VSNL1: variants seen among roughly 807,000 people sequenced by gnomAD.
The protein encoded by VSNL1 is visinin-like protein 1.
Under a neutral mutation model 20.4 loss-of-function variants are expected in VSNL1, and 6 were observed. That is an observed-to-expected ratio of 0.29 (90% CI 0.16 to 0.58). VSNL1 has a LOEUF of 0.58. Ranked by LOEUF, VSNL1 falls within the 20% of genes least tolerant of loss-of-function variation. VSNL1 has a pLI of 0.90. For missense variants in VSNL1, 100 were observed against 234.5 expected, an observed-to-expected ratio of 0.43 and a Z score of 3.75; for synonymous variants, 93 against 86.4, an observed-to-expected ratio of 1.08 and a Z score of -0.42.
At chr2:17,558,655 C>T (rs1487560436) in intron 1 of VSNL1, among the ~76,000 whole-genome samples, 1 of 152,198 alleles carries the variant, frequency 6.6e-6, no homozygotes, top group Non-Finnish European at 1.5e-5. Flanking sequence ...CTGCTCTCCA[C>T]TGTCTCCCTG....
chr2:17,564,858 A>G (rs1663900747), intron 1 of VSNL1, among the ~76,000 whole-genome samples: 1 of 152,224 alleles, frequency 6.6e-6, no homozygotes, highest in Admixed American at 6.5e-5. Context: ...CAATTGTAGT[A>G]TCAACAAAGT....
chr2:17,598,832 CTTCT>C (rs1664767182), intron 2 of VSNL1, among the ~76,000 whole-genome samples: 1 of 152,184 alleles, frequency 6.6e-6, no homozygotes, highest in Non-Finnish European at 1.5e-5. Flanking sequence ...GCAAAATCCC[CTTCT>C]AAGTTATACT....
chr2:17,601,522 A>C (rs980511124), intron 2 of VSNL1, among the ~76,000 whole-genome samples: 3 of 151,818 alleles, frequency 2.0e-5, no homozygotes, highest in East Asian at 1.9e-4. Context: ...TGTAATCCCA[A>C]CTACTGGGGA....
chr2:17,597,058 G>C (rs1271723135), intron 2 of VSNL1, among the ~76,000 whole-genome samples: 2 of 152,222 alleles, frequency 1.3e-5, no homozygotes, highest in African/African-American at 4.8e-5. Flanking sequence ...GAGGGTGAGA[G>C]ACTCTATGAA....
intron 1 of VSNL1, among the ~76,000 whole-genome samples, chr2:17,544,920 C>G (rs1663373324): frequency 6.6e-6 from 1 of 152,038 alleles, no homozygotes; most frequent in African/African-American, 2.4e-5. Flanking sequence ...ATTCATATGA[C>G]TAATAGAACA....
At chr2:17,602,987 A>G (rs543511263) in intron 2 of VSNL1, among the ~76,000 whole-genome samples, 1 of 152,130 alleles carries the variant, frequency 6.6e-6, no homozygotes, top group Admixed American at 6.5e-5. Context: ...AATCTGTGTA[A>G]ATAGCTAGAA....
At chr2:17,612,919 T>A (rs1248142341) in intron 2 of VSNL1, among the ~76,000 whole-genome samples, 3 of 152,154 alleles carry the variant, frequency 2.0e-5, no homozygotes, top group Non-Finnish European at 4.4e-5. Flanking sequence ...CAGAGATGAA[T>A]AAGATACCCA....
chr2:17,614,643 T>C (rs1665173689), intron 2 of VSNL1, among the ~76,000 whole-genome samples: 1 of 152,184 alleles, frequency 6.6e-6, no homozygotes. Flanking sequence ...CATTTTGTCT[T>C]CTTAGCAGGG....
At chr2:17,609,874 C>T (rs1665043091) in intron 2 of VSNL1, among the ~76,000 whole-genome samples, 1 of 152,174 alleles carries the variant, frequency 6.6e-6, no homozygotes, top group Non-Finnish European at 1.5e-5. Context: ...TTACACAACC[C>T]CCCACTGCCA....
intron 2 of VSNL1, among the ~76,000 whole-genome samples, chr2:17,631,476 A>C (rs1665627186): frequency 6.6e-6 from 1 of 152,246 alleles, no homozygotes; most frequent in Non-Finnish European, 1.5e-5. Context: ...TAAAGGGTGC[A>C]TCACACATTA....
At position 17,587,394 on chromosome 2, in the gene VSNL1, C is replaced by CACAT. The variant is rs546861051; in HGVS notation, c.-5-4675_-5-4674insCATA. On this transcript the variant is annotated intron_variant, in intron 1 of 3. Coordinates refer to ENST00000295156, the MANE Select transcript of VSNL1 (RefSeq NM_003385.5). Reference sequence around the variant, plus strand: ...ACACACACACACACACACACACACACATATATTTTGTTTCAATCCTCTTTA... The same window carrying CACAT: ...ACACACACACACACACACACACACACACATATATATTTTGTTTCAATCCTCTTTA... Among the ~76,000 whole-genome samples, 1,127 of 144,566 alleles carry CACAT rather than the reference C, an allele frequency of 7.8e-3. 10 individuals are homozygous for CACAT. Among genetic ancestry groups the CACAT allele is most frequent in the East Asian group, 0.025 (113 of 4,466 alleles). 94.8% of individuals were successfully genotyped at this position (144,566 alleles called of 152,430 possible). A position where few individuals can be genotyped will look rare whatever the true frequency, so the allele number is the denominator to read the frequency against.
intron 2 of VSNL1, among the ~76,000 whole-genome samples, chr2:17,619,773 A>G (rs1294195536): frequency 6.6e-6 from 1 of 152,080 alleles, no homozygotes; most frequent in Non-Finnish European, 1.5e-5. Context: ...TAACGTATTC[A>G]TTCACTGAAT....
chr2:17,543,009 G>C (rs1314163785), intron 1 of VSNL1, among the ~76,000 whole-genome samples: 1 of 152,164 alleles, frequency 6.6e-6, no homozygotes, highest in Non-Finnish European at 1.5e-5. Flanking sequence ...TTCATTTTCA[G>C]CAGTCTCAGT....
chr2:17,564,967 T>C (rs1211554295), intron 1 of VSNL1, among the ~76,000 whole-genome samples: 3 of 152,224 alleles, frequency 2.0e-5, no homozygotes. Flanking sequence ...GAATTAGCAA[T>C]GGAGTATCAG....
At chr2:17,620,035 A>G (rs1338346130) in intron 2 of VSNL1, among the ~76,000 whole-genome samples, 1 of 152,182 alleles carries the variant, frequency 6.6e-6, no homozygotes, top group Non-Finnish European at 1.5e-5. Context: ...TGAGTGCTAG[A>G]GCATCTGTAA....
chr2:17,553,220 A>G (rs1258750904), intron 1 of VSNL1, among the ~76,000 whole-genome samples: 2 of 152,174 alleles, frequency 1.3e-5, no homozygotes, highest in Admixed American at 6.5e-5. Context: ...CTGGATGGAT[A>G]TTTGACCACA....
chr2:17,653,003 G>A (rs985675420), intron 3 of VSNL1, among the ~76,000 whole-genome samples: 2 of 152,136 alleles, frequency 1.3e-5, no homozygotes, highest in Non-Finnish European at 2.9e-5. Context: ...TTACAGTCTT[G>A]CACTGTCAGT....
chr2:17,593,216 AG>A (rs1314973990), intron 2 of VSNL1, among the ~76,000 whole-genome samples: 2 of 152,228 alleles, frequency 1.3e-5, no homozygotes, highest in Non-Finnish European at 2.9e-5. Flanking sequence ...CTGTACAAGA[AG>A]GGGCATGTGT....
Position 17,654,626 on chromosome 2 carries a change from C to T in VSNL1, c.379-571C>T, listed in dbSNP as rs193131512. 2.8e-3 allele frequency among the ~76,000 whole-genome samples: 419 copies of T among 152,316 alleles called. 4 individuals are homozygous for T. The highest frequency in any genetic ancestry group is 0.01 in the South Asian group (50 of 4,826). The stretch of plus-strand genomic sequence containing the variant: ...TCCAGCCAAAAACCTGGAAGCCACC[C>T]CAAATTCTTCTATATCCAGTTGGTC... On this transcript the variant is annotated intron_variant, in intron 3 of 3. Coordinates refer to ENST00000295156, the MANE Select transcript of VSNL1 (RefSeq NM_003385.5).
Sources: allele counts gnomAD v4.1 joint callset (sites outside exome capture counted in the v4.1 genomes callset), GRCh38; gene constraint gnomAD v4.1.1; transcripts MANE v1.5; gene names NCBI Gene and HGNC (gene_info 2026-07-23, HGNC 2026-07-21).